SYBU: variants seen among roughly 807,000 people sequenced by gnomAD.
SYBU encodes syntabulin.
Under a neutral mutation model 35.9 loss-of-function variants are expected in SYBU, and 21 were observed. The observed-to-expected ratio is 0.58, with a 90% confidence interval of 0.41 to 0.84. SYBU has a LOEUF of 0.84. SYBU is among the 40% of genes least tolerant of loss of function. SYBU has a pLI of 0.00. For missense variants in SYBU, 768 were observed against 848.2 expected (o/e 0.91, Z 1.17); for synonymous variants, 319 against 324.3 (o/e 0.98, Z 0.18).
intron 3 of SYBU, among the ~76,000 whole-genome samples, chr8:109,595,808 C>T (rs556302359): frequency 3.3e-5 from 5 of 152,240 alleles, no homozygotes; most frequent in African/African-American, 9.6e-5. Context: ...TGGAGGCAGG[C>T]GAATTTAAAA....
At chr8:109,576,104 C>A (rs2131177024) in intron 6 of SYBU, 91 bp from the exon 7 acceptor site, 1 of 1,401,928 alleles carries the variant, frequency 7.1e-7, no homozygotes, top group Non-Finnish European at 9.3e-7. Flanking sequence ...TCAGGCAGTT[C>A]TGGCACAGAG....
chr8:109,654,423 C>A (rs1816275358), intron 1 of SYBU, among the ~76,000 whole-genome samples: 1 of 152,166 alleles, frequency 6.6e-6, no homozygotes, highest in African/African-American at 2.4e-5. Flanking sequence ...AAAGCACTTT[C>A]ATTTTTTCTG....
chr8:109,645,592 G>C (rs1310046542), upstream of SYBU: 4 of 289,046 alleles, frequency 1.4e-5, no homozygotes, highest in Non-Finnish European at 2.8e-5. Flanking sequence ...TTCAGCCTGA[G>C]TGCCTTTATG....
At chr8:109,639,463 T>G (rs1342784337) in intron 2 of SYBU, among the ~76,000 whole-genome samples, 6 of 152,210 alleles carry the variant, frequency 3.9e-5, no homozygotes. Flanking sequence ...TAAATTTCAT[T>G]GCATTTGAGG....
chr8:109,659,568 T>G (rs1469613265), intron 1 of SYBU, among the ~76,000 whole-genome samples: 2 of 152,208 alleles, frequency 1.3e-5, no homozygotes, highest in African/African-American at 4.8e-5. Flanking sequence ...GTTTTTCTTT[T>G]GTACATAGAG....
intron 2 of SYBU, among the ~76,000 whole-genome samples, chr8:109,633,725 A>G (rs1469044402): frequency 6.6e-6 from 1 of 152,028 alleles, no homozygotes; most frequent in Non-Finnish European, 1.5e-5. Context: ...TGTACTAATT[A>G]TCTTTTTTAT....
At chr8:109,679,521 A>T (rs1027996335) in intron 1 of SYBU, among the ~76,000 whole-genome samples, 8 of 152,204 alleles carry the variant, frequency 5.3e-5, no homozygotes, top group African/African-American at 1.9e-4. Context: ...TTAAGGTTGG[A>T]AAACATTGCT....
Position 109,644,705 on chromosome 8 carries a change from A to C in SYBU, c.-46T>G. The C allele has an allele frequency of 1.4e-6, 2 of 1,479,514 alleles. 1 individual carries two copies. The highest frequency in any genetic ancestry group is 2.6e-5 in the South Asian group (2 of 75,530). The allele number at this position is 1,479,514 out of a possible 1,614,324, so 91.6% of individuals were successfully genotyped here. A position where few individuals can be genotyped will look rare whatever the true frequency, so the allele number is the denominator to read the frequency against. ...CCTCGCGCCGCCGCTGCCGCCGTCC[A>C]GGAGGAGGCACCTGCGAGCACGGAG... is the stretch of plus-strand genomic sequence containing the variant. On this transcript the variant is annotated 5_prime_UTR_variant, in exon 1 of 7. Transcript: ENST00000276646.
chr8:109,617,845 G>A (rs1811984503), intron 3 of SYBU, among the ~76,000 whole-genome samples: 1 of 152,220 alleles, frequency 6.6e-6, no homozygotes, highest in African/African-American at 2.4e-5. Flanking sequence ...TGGTTGACAA[G>A]AGCAAGATGA....
intron 3 of SYBU, among the ~76,000 whole-genome samples, chr8:109,608,434 A>G (rs1301763079): frequency 6.6e-6 from 1 of 152,196 alleles, no homozygotes; most frequent in African/African-American, 2.4e-5. Flanking sequence ...TTTGAGAAAA[A>G]TTCTTGGTGT....
intron 3 of SYBU, among the ~76,000 whole-genome samples, chr8:109,591,973 T>G (rs1023680289): frequency 6.6e-6 from 1 of 152,038 alleles, no homozygotes; most frequent in Admixed American, 6.6e-5. Flanking sequence ...TCTCTCTGCC[T>G]TAGTATCCTC....
chr8:109,611,116 A>G (rs1298582841), intron 3 of SYBU, among the ~76,000 whole-genome samples: 3 of 152,238 alleles, frequency 2.0e-5, no homozygotes, highest in Admixed American at 2.0e-4. Flanking sequence ...CAGTTGATAA[A>G]TACGTTGAAT....
rs372599637 is a variant in SYBU at position 109,579,779 on chromosome 8, A to G, written c.734+20T>C. 7 of 1,608,908 alleles carry G rather than the reference A, an allele frequency of 4.4e-6. No individual in the cohort carries two copies. Among genetic ancestry groups the G allele is most frequent in the South Asian group, 1.1e-5 (1 of 90,950 alleles). ...AAGTAGGACAAACTAAGATGCATGA[A>G]TTAGGTGAGCAGGACTCACCTCATG... On this transcript the variant is annotated intron_variant, in intron 5 of 6. Transcript: ENST00000276646.
Position 109,668,165 on chromosome 8 carries a change from GGAGAGAGAGAGAGAGAGA to G in SYBU, c.-129+12528_-129+12545del, listed in dbSNP as rs60330422. On this transcript the variant is annotated intron_variant, in intron 1 of 5. Coordinates refer to the SYBU transcript ENST00000408889. ...GAAGAAGAGGCAGAGGGGGAGAGGGGGAGAGAGAGAGAGAGAGAGAGAGAGAGAGAGAGAGAGACTTTT... is the reference window on the plus strand; with the variant it reads ...GAAGAAGAGGCAGAGGGGGAGAGGGGGAGAGAGAGAGAGAGAGAGACTTTT... Among the ~76,000 whole-genome samples the G allele has an allele frequency of 4.5e-5, 4 of 88,990 alleles. No homozygotes were observed. The East Asian group carries it at 1.4e-3, about 31-fold the overall frequency. 58.4% of individuals were successfully genotyped at this position (88,990 alleles called of 152,430 possible). A position where few individuals can be genotyped will look rare whatever the true frequency, so the allele number is the denominator to read the frequency against.
intron 1 of SYBU, among the ~76,000 whole-genome samples, chr8:109,676,047 T>A (rs2130774599): frequency 6.6e-6 from 1 of 152,364 alleles, no homozygotes; most frequent in East Asian, 1.9e-4. Flanking sequence ...ACCACTTGAT[T>A]ATCTCAACAG....
At chr8:109,647,670 CAT>C (rs1815846683), upstream of SYBU, 1 of 152,232 alleles carries the variant, frequency 6.6e-6, no homozygotes, top group African/African-American at 2.4e-5. Flanking sequence ...AGATAAAGAA[CAT>C]AGATACAACT....
intron 3 of SYBU, among the ~76,000 whole-genome samples, chr8:109,617,801 T>C (rs570724892): frequency 3.1e-4 from 47 of 152,366 alleles, no homozygotes; most frequent in Non-Finnish European, 5.4e-4. Flanking sequence ...TTTCACAGTT[T>C]AAGTTTTCCT....
chr8:109,689,892 A>C (rs930882650), intron 1 of SYBU, among the ~76,000 whole-genome samples: 1 of 148,864 alleles, frequency 6.7e-6, no homozygotes, highest in African/African-American at 2.5e-5. Flanking sequence ...TAAGTGTGCC[A>C]CTGGCTAAAT....
intron 3 of SYBU, among the ~76,000 whole-genome samples, chr8:109,591,625 C>T (rs1172704701): frequency 6.8e-6 from 1 of 147,414 alleles, no homozygotes; most frequent in African/African-American, 2.5e-5. Flanking sequence ...CATTCTCCTG[C>T]CTCAGCCTCC....
Sources: gnomAD v4.1 joint callset for allele counts (sites outside exome capture counted in the v4.1 genomes callset) on GRCh38, gnomAD v4.1.1 for gene constraint, MANE v1.5 for transcripts, NCBI Gene and HGNC (gene_info 2026-07-23, HGNC 2026-07-21) for gene names.